AGPAT3: variants seen among roughly 807,000 people sequenced by gnomAD.
AGPAT3 encodes 1-acyl-sn-glycerol-3-phosphate acyltransferase gamma.
AGPAT3 carries 5 observed loss-of-function variants against 47.3 expected under a neutral mutation model. The observed-to-expected ratio is 0.11, with a 90% CI of 0.06 to 0.22. The LOEUF is 0.22. AGPAT3 is among the 10% of genes least tolerant of loss of function. AGPAT3 has a pLI of 1.00. For synonymous variants in AGPAT3, 212 were observed against 208.3 expected (o/e 1.02, Z -0.15); for missense variants, 315 against 493.0 (o/e 0.64, Z 3.42).
intron 2 of AGPAT3, among the ~76,000 whole-genome samples, chr21:43,946,140 T>C (rs766083551): frequency 6.6e-6 from 1 of 152,186 alleles, no homozygotes; most frequent in African/African-American, 2.4e-5. Flanking sequence ...CAGCTTCCAG[T>C]TGGTTGTCCT....
chr21:43,966,466 C>A (rs1183842250), intron 3 of AGPAT3: 1 of 152,150 alleles, frequency 6.6e-6, no homozygotes, highest in Admixed American at 6.5e-5. Flanking sequence ...ACTGCCTCTG[C>A]CCACAGGTGA....
intron 2 of AGPAT3, among the ~76,000 whole-genome samples, chr21:43,943,285 A>G (rs891096663): frequency 1.3e-5 from 2 of 152,188 alleles, no homozygotes; most frequent in African/African-American, 4.8e-5. Flanking sequence ...CGTGTTAGCC[A>G]GGATGATCTC....
chr21:43,928,523 C>T (rs913725878), intron 2 of AGPAT3, among the ~76,000 whole-genome samples: 2 of 152,186 alleles, frequency 1.3e-5, no homozygotes, highest in Non-Finnish European at 2.9e-5. Flanking sequence ...CTGCTTCTCC[C>T]GACCCGTAGG....
intron 7 of AGPAT3, among the ~76,000 whole-genome samples, chr21:43,975,723 G>GT (rs1040744402): frequency 1.2e-4 from 18 of 151,988 alleles, no homozygotes; most frequent in African/African-American, 3.4e-4. Context: ...TTAATTTTGG[G>GT]TTTTTTTTGT....
chr21:43,878,768 TC>T (rs1234045880), intron 1 of AGPAT3, among the ~76,000 whole-genome samples: 1 of 150,964 alleles, frequency 6.6e-6, no homozygotes, highest in African/African-American at 2.5e-5. Context: ...AGAGTTTTAC[TC>T]TGTTGCCCAG....
At chr21:43,975,852 C>T (rs1203333065) in intron 7 of AGPAT3, among the ~76,000 whole-genome samples, 2 of 152,164 alleles carry the variant, frequency 1.3e-5, no homozygotes, top group Non-Finnish European at 2.9e-5. Flanking sequence ...CCTGGTGGCA[C>T]GGGGCCGCCC....
At chr21:43,968,966 C>T (rs995946186) in intron 4 of AGPAT3, 152 bp from the exon 5 acceptor site, 72 of 744,048 alleles carry the variant, frequency 9.7e-5, no homozygotes, top group East Asian at 3.6e-4. Flanking sequence ...CCTCAGAAGC[C>T]GGGTCCTGCT....
intron 2 of AGPAT3, among the ~76,000 whole-genome samples, chr21:43,951,675 T>G (rs565297000): frequency 6.6e-6 from 1 of 152,278 alleles, no homozygotes; most frequent in African/African-American, 2.4e-5. Context: ...TGCCATCTCC[T>G]CTGGGGGATT....
chr21:43,955,361 A>G lies in AGPAT3; in HGVS notation c.-48-4273A>G. Reference sequence around the variant, plus strand: ...GGGTCACAGGCGGCTTAGCTTGTCAACACCCATAACGCTATGCACGGACAC... The same window carrying G: ...GGGTCACAGGCGGCTTAGCTTGTCAGCACCCATAACGCTATGCACGGACAC... On this transcript the variant is annotated intron_variant, in intron 2 of 9. Coordinates refer to ENST00000291572, the MANE Select transcript of AGPAT3 (RefSeq NM_020132.5). The surrounding 1 kb of genome is among the most constrained non-coding windows in gnomAD (Gnocchi z 4.1). 3.8e-6 allele frequency: 2 copies of G among 521,674 alleles called. No homozygotes were observed. Among genetic ancestry groups the G allele is most frequent in the Non-Finnish European group, 5.5e-6 (2 of 363,252 alleles). 32.3% of individuals were successfully genotyped at this position (521,674 alleles called of 1,614,324 possible). A position where few individuals can be genotyped will look rare whatever the true frequency, so the allele number is the denominator to read the frequency against.
intron 1 of AGPAT3, among the ~76,000 whole-genome samples, chr21:43,877,368 T>C (rs1021978083): frequency 1.3e-5 from 2 of 152,198 alleles, no homozygotes; most frequent in African/African-American, 4.8e-5. Context: ...ATGCCAGTAA[T>C]AGTTAAAGGG....
At chr21:43,921,867 C>G (rs1238983928) in intron 2 of AGPAT3, among the ~76,000 whole-genome samples, 2 of 152,094 alleles carry the variant, frequency 1.3e-5, no homozygotes, top group East Asian at 3.9e-4. Flanking sequence ...GCCTCCCACC[C>G]CAAGCTGGGT....
intron 2 of AGPAT3, among the ~76,000 whole-genome samples, chr21:43,949,117 A>G (rs1229271875): frequency 1.3e-5 from 2 of 152,188 alleles, no homozygotes; most frequent in African/African-American, 2.4e-5. Flanking sequence ...TATGAACTAT[A>G]GAATCAGTAT....
intron 2 of AGPAT3, among the ~76,000 whole-genome samples, chr21:43,948,532 A>G (rs899870395): frequency 6.6e-6 from 1 of 152,098 alleles, no homozygotes; most frequent in Non-Finnish European, 1.5e-5. Context: ...CGCTGCCATA[A>G]TAGCAGGAGG....
intron 1 of AGPAT3, among the ~76,000 whole-genome samples, chr21:43,865,982 G>C (rs938051270): frequency 6.6e-6 from 1 of 152,180 alleles, no homozygotes; most frequent in African/African-American, 2.4e-5. Context: ...GCGGGTCAGG[G>C]GATGGGGTCA....
At chr21:43,871,538 G>A (rs972716854) in intron 1 of AGPAT3, among the ~76,000 whole-genome samples, 1 of 152,182 alleles carries the variant, frequency 6.6e-6, no homozygotes, top group Non-Finnish European at 1.5e-5. Flanking sequence ...CTGGACACAC[G>A]TGATCCACAT....
intron 2 of AGPAT3, among the ~76,000 whole-genome samples, chr21:43,959,339 CGTGTGTGTGGTAT>C (rs2088702751): frequency 1.2e-5 from 1 of 81,078 alleles, no homozygotes; most frequent in Non-Finnish European, 2.4e-5. Flanking sequence ...GTGTGTGTGG[CGTGTGTGTGGTAT>C]GTGTGTGGCA....
At chr21:43,980,707 G>A (rs1474791585) in intron 8 of AGPAT3, among the ~76,000 whole-genome samples, 1 of 152,226 alleles carries the variant, frequency 6.6e-6, no homozygotes, top group Non-Finnish European at 1.5e-5. Flanking sequence ...GCAGGCAGGT[G>A]TTGGTATTCA....
In AGPAT3 at chr21:43,985,612, C is replaced by T; in HGVS notation, c.*3220C>T. The T allele has an allele frequency of 4.2e-6, 1 of 238,758 alleles. No homozygotes were observed. Among genetic ancestry groups the T allele is most frequent in the Non-Finnish European group, 8.3e-6 (1 of 120,524 alleles). 14.8% of individuals were successfully genotyped at this position (238,758 alleles called of 1,614,324 possible). On this transcript the variant is annotated 3_prime_UTR_variant, in exon 10 of 10. Coordinates refer to ENST00000291572, the MANE Select transcript of AGPAT3 (RefSeq NM_020132.5). ...ATTGAGTAGCTGTTGCCAGGCTGTC[C>T]ATGCCTGTTGTGACTACCGGTTGGG...
At chr21:43,973,927 G>A (rs1159823778) in intron 7 of AGPAT3, among the ~76,000 whole-genome samples, 2 of 152,196 alleles carry the variant, frequency 1.3e-5, no homozygotes, top group African/African-American at 2.4e-5. Flanking sequence ...TGCTCAGGGT[G>A]ACACCCTGGG....
Sources: allele counts gnomAD v4.1 joint callset (sites outside exome capture counted in the v4.1 genomes callset), GRCh38; gene constraint gnomAD v4.1.1; non-coding constraint Gnocchi (gnomAD v3.1); transcripts MANE v1.5; gene names NCBI Gene and HGNC (gene_info 2026-07-23, HGNC 2026-07-21).